Variants in RNASEH2B observed in about 807,000 individuals in gnomAD.
RNASEH2B encodes ribonuclease H2 subunit B.
A neutral mutation model predicts 45.0 loss-of-function variants in RNASEH2B; 36 were observed. The observed-to-expected ratio is 0.80, with a 90% confidence interval of 0.61 to 1.06. The LOEUF is 1.06. Ranked by LOEUF, RNASEH2B falls within the 50% of genes least tolerant of loss-of-function variation. The pLI is 0.00. For synonymous variants in RNASEH2B, 119 were observed against 125.7 expected (o/e 0.95, Z 0.35); for missense variants, 361 against 360.3 (o/e 1.00, Z -0.02).
chr13:50,963,933 C>T (rs1404059734), intron 9 of RNASEH2B, among the ~76,000 whole-genome samples: 2 of 152,232 alleles, frequency 1.3e-5, no homozygotes, highest in African/African-American at 4.8e-5. Flanking sequence ...TGCGTTGGCT[C>T]ACGCCTGTAA....
At chr13:50,949,308 T>C (rs1951945753) in intron 8 of RNASEH2B, 155 bp from the exon 9 acceptor site, 1 of 662,144 alleles carries the variant, frequency 1.5e-6, no homozygotes, top group Non-Finnish European at 2.7e-6. Flanking sequence ...GAGAAAACTT[T>C]CATTCTTTAC....
At position 50,928,802 on chromosome 13, in the gene RNASEH2B, G is replaced by A. The variant is rs11842229; in HGVS notation, c.137-673G>A. On this transcript the variant is annotated intron_variant, in intron 2 of 10. Coordinates refer to ENST00000336617, the MANE Select transcript of RNASEH2B (RefSeq NM_024570.4). ...AAGGGCACGTGCCCAGCATATGGTG[G>A]AGATAGAGTTAAAGTCAGCATCCTT... Among the ~76,000 whole-genome samples, 1,197 of 152,230 alleles carry A rather than the reference G, an allele frequency of 7.9e-3. 21 individuals are homozygous for A. Among genetic ancestry groups the A allele is most frequent in the African/African-American group, 0.028 (1,147 of 41,522 alleles).
chr13:50,911,650 A>C (rs1879402974), intron 1 of RNASEH2B: 1 of 152,192 alleles, frequency 6.6e-6, no homozygotes. Context: ...ATCCTCGGTA[A>C]AAACGTTTGG....
chr13:50,916,853 C>T (rs1879773775), intron 1 of RNASEH2B, among the ~76,000 whole-genome samples: 1 of 152,118 alleles, frequency 6.6e-6, no homozygotes, highest in South Asian at 2.1e-4. Flanking sequence ...AGGTTCACAT[C>T]CTCCCAGGAA....
At chr13:50,924,491 A>G (rs1447066242) in intron 1 of RNASEH2B, among the ~76,000 whole-genome samples, 1 of 152,234 alleles carries the variant, frequency 6.6e-6, no homozygotes, top group African/African-American at 2.4e-5. Flanking sequence ...CATGCACCCA[A>G]TGACAGAGCC....
intron 9 of RNASEH2B, among the ~76,000 whole-genome samples, chr13:50,969,581 G>A (rs927256361): frequency 6.0e-5 from 9 of 149,556 alleles, no homozygotes; most frequent in Non-Finnish European, 1.3e-4. Context: ...CGTTACTTTC[G>A]TGCATTTCTT....
chr13:50,925,566 C>T (rs1951583584), intron 1 of RNASEH2B, among the ~76,000 whole-genome samples: 1 of 152,190 alleles, frequency 6.6e-6, no homozygotes, highest in African/African-American at 2.4e-5. Context: ...TTAGGGCTGA[C>T]TCTTCCCTAC....
intron 9 of RNASEH2B, chr13:50,952,410 T>A (rs752179844): frequency 5.0e-4 from 76 of 150,726 alleles, no homozygotes; most frequent in Admixed American, 1.3e-3. Flanking sequence ...AAACATGTAT[T>A]TTTTTTTTTG....
chr13:50,923,144 A>G (rs934658189), intron 1 of RNASEH2B, among the ~76,000 whole-genome samples: 1 of 152,206 alleles, frequency 6.6e-6, no homozygotes, highest in Non-Finnish European at 1.5e-5. Flanking sequence ...ATAAAGAAAA[A>G]GAATAAAGAA....
chr13:50,947,132 G>T (rs2137996938), intron 7 of RNASEH2B, among the ~76,000 whole-genome samples: 1 of 152,230 alleles, frequency 6.6e-6, no homozygotes, highest in African/African-American at 2.4e-5. Context: ...CAAACCTGGG[G>T]TCTGCTTTTG....
At chr13:50,947,851 A>T (rs1385410269) in intron 7 of RNASEH2B, 136 bp from the exon 8 acceptor site, 1 of 1,421,598 alleles carries the variant, frequency 7.0e-7, no homozygotes, top group Non-Finnish European at 9.6e-7. Flanking sequence ...ACAAATGAGA[A>T]AACTGAGGCT....
intron 5 of RNASEH2B, chr13:50,936,215 AG>A (rs941475764): frequency 1.3e-5 from 2 of 152,230 alleles, no homozygotes; most frequent in African/African-American, 4.8e-5. Context: ...TTGACAGGTT[AG>A]AAATAGTATA....
chr13:50,921,001 G>A (rs901387273), intron 1 of RNASEH2B, among the ~76,000 whole-genome samples: 4 of 152,112 alleles, frequency 2.6e-5, no homozygotes, highest in African/African-American at 9.7e-5. Context: ...CTTAGATTTC[G>A]TGACTTTCAT....
At chr13:50,943,520 G>A (rs1951859647) in intron 6 of RNASEH2B, 126 bp downstream of exon 6, 5 of 730,078 alleles carry the variant, frequency 6.8e-6, no homozygotes, top group South Asian at 6.2e-5. Flanking sequence ...GGAAAATTGT[G>A]TAGAGATACC....
At chr13:50,944,838 T>C (rs1175264765) in intron 6 of RNASEH2B, among the ~76,000 whole-genome samples, 1 of 152,134 alleles carries the variant, frequency 6.6e-6, no homozygotes, top group Non-Finnish European at 1.5e-5. Flanking sequence ...TGAGAATAAA[T>C]GCGGAGCAGA....
chr13:50,944,626 A>T (rs1951877942), intron 6 of RNASEH2B, among the ~76,000 whole-genome samples: 1 of 152,030 alleles, frequency 6.6e-6, no homozygotes. Flanking sequence ...TAATAAATAA[A>T]AATAAATAAT....
intron 9 of RNASEH2B, among the ~76,000 whole-genome samples, chr13:50,963,491 C>A (rs1319717045): frequency 1.3e-5 from 2 of 152,030 alleles, no homozygotes; most frequent in East Asian, 3.9e-4. Context: ...TAGTTCTAGA[C>A]GTTCCATTTG....
chr13:50,963,108 C>T (rs1183772487), intron 9 of RNASEH2B, among the ~76,000 whole-genome samples: 1 of 152,002 alleles, frequency 6.6e-6, no homozygotes, highest in East Asian at 1.9e-4. Flanking sequence ...TATAGCATTT[C>T]ATCTTCTGTT....
Position 50,945,528 on chromosome 13 carries a change from G to A in RNASEH2B, c.612G>A (p.Lys204=), listed in dbSNP as rs755648468. 2.5e-6 allele frequency: 4 copies of A among 1,606,904 alleles called. No homozygotes were observed. The highest frequency in any genetic ancestry group is 3.4e-6 in the Non-Finnish European group (4 of 1,173,608). Reference sequence around the variant, plus strand: ...CTGGTGACCAAGCTTCCACTGACAAGGAAGGTAAGTAAAGCATTTTATCAG... The same window carrying A: ...CTGGTGACCAAGCTTCCACTGACAAAGAAGGTAAGTAAAGCATTTTATCAG... ...FFSGDQASTD[K]EEDYIRYAHG... The change falls in exon 7 of 11, where the codon AAG becomes AAA. Residue 204 remains lysine, a synonymous_variant. Coordinates refer to ENST00000336617, the MANE Select transcript of RNASEH2B (RefSeq NM_024570.4).
Sources: allele counts gnomAD v4.1 joint callset (sites outside exome capture counted in the v4.1 genomes callset), GRCh38; gene constraint gnomAD v4.1.1; transcripts MANE v1.5; gene names NCBI Gene and HGNC (gene_info 2026-07-23, HGNC 2026-07-21).